The following ZEB2 variants were observed in gnomAD, a reference collection of about 807,000 sequenced individuals.
The protein encoded by ZEB2 is zinc finger E-box binding homeobox 2.
ZEB2 carries 6 observed loss-of-function variants against 99.9 expected under a neutral mutation model. The observed-to-expected ratio is 0.06, with a 90% CI of 0.03 to 0.12. The LOEUF is 0.12. Among genes scored for constraint, ZEB2 ranks in the 10% least tolerant of loss-of-function variants. The probability of loss-of-function intolerance (pLI) is 1.00; values close to 1 mark genes in which losing one functional copy is unlikely to be tolerated. For missense variants in ZEB2, 969 were observed against 1,502.8 expected (o/e 0.64, Z 5.87); for synonymous variants, 517 against 542.5 (o/e 0.95, Z 0.65).
rs200879835 is a variant in ZEB2 at position 144,404,145 on chromosome 2, CAG to C, written c.593-17_593-16del. ...AGGTGGCAGGTCTGTAGCCGAGAGA[CAG>C]AGAGAGAGAGAAGCGGGCCAAAAGG... On this transcript the variant is annotated splice_polypyrimidine_tract_variant and intron_variant, in intron 5 of 9. Transcript: ENST00000627532. The C allele has an allele frequency of 7.4e-4, 1,151 of 1,547,154 alleles. No homozygotes were observed. The highest frequency in any genetic ancestry group is 1.3e-3 in the East Asian group (56 of 42,100).
chr2:144,513,828 G>A, intron 2 of ZEB2: 2 of 1,533,464 alleles, frequency 1.3e-6, no homozygotes, highest in East Asian at 4.9e-5. Context: ...ATAATCAGGG[G>A]AAAGAAAAAG....
intron 2 of ZEB2, among the ~76,000 whole-genome samples, chr2:144,435,690 T>C (rs1370154333): frequency 1.3e-5 from 2 of 152,156 alleles, no homozygotes; most frequent in African/African-American, 4.8e-5. Context: ...AGATCATTTA[T>C]GTTTGAGCCA....
At chr2:144,511,165 T>C (rs1705031901) in intron 2 of ZEB2, among the ~76,000 whole-genome samples, 1 of 152,234 alleles carries the variant, frequency 6.6e-6, no homozygotes, top group Non-Finnish European at 1.5e-5. Context: ...CTAATAACTG[T>C]TGTTTCCTAA....
chr2:144,476,825 G>A (rs938910466), intron 2 of ZEB2, among the ~76,000 whole-genome samples: 1 of 152,136 alleles, frequency 6.6e-6, no homozygotes, highest in African/African-American at 2.4e-5. Flanking sequence ...GGCAGGCATG[G>A]GGGTTCCATG....
chr2:144,412,767 T>C (rs1703483151), intron 4 of ZEB2, among the ~76,000 whole-genome samples: 1 of 152,246 alleles, frequency 6.6e-6, no homozygotes, highest in South Asian at 2.1e-4. Context: ...TGAGTTCACA[T>C]AGACTTCCTT....
chr2:144,398,471 G>A lies in ZEB2; in HGVS notation c.2716C>T (p.Pro906Ser), dbSNP rs375527889. The change falls in exon 8 of 10, where the codon CCT (proline) becomes TCT (serine). Residue 906 changes from proline to serine, a missense_variant. By Grantham distance (74) the Pro-to-Ser change is moderately conservative. Transcript: ENST00000627532. Reference protein sequence around the residue: ...TALPPQSAFPPATFMPPVQTS... With the variant: ...TALPPQSAFPSATFMPPVQTS... ...TGGACTGGTGGCATGAAAGTAGCAG[G>A]GGGAAATGCGCTTTGAGGTGGAAGA... 6.2e-6 allele frequency: 10 copies of A among 1,614,050 alleles called. No homozygotes were observed. The African/African-American group carries it at 9.3e-5, about 15-fold the overall frequency.
At chr2:144,473,918 C>T (rs1704394715) in intron 2 of ZEB2, among the ~76,000 whole-genome samples, 1 of 152,116 alleles carries the variant, frequency 6.6e-6, no homozygotes, top group Non-Finnish European at 1.5e-5. Context: ...ATCAGTCTTT[C>T]GCTTTCTGGG....
At chr2:144,415,678 C>T (rs191331386) in intron 4 of ZEB2, among the ~76,000 whole-genome samples, 3 of 152,322 alleles carry the variant, frequency 2.0e-5, no homozygotes, top group Non-Finnish European at 4.4e-5. Flanking sequence ...TTCGTCAACT[C>T]ACTCATCATT....
chr2:144,503,603 G>T (rs115849912), intron 2 of ZEB2: 5 of 152,046 alleles, frequency 3.3e-5, no homozygotes, highest in Non-Finnish European at 5.9e-5. Flanking sequence ...TAGAAGAGAC[G>T]GGGAAGGATG....
At chr2:144,513,121 G>C in intron 2 of ZEB2, 1 of 1,285,814 alleles carries the variant, frequency 7.8e-7, no homozygotes, top group South Asian at 1.2e-5. Flanking sequence ...CCTGGAGAAG[G>C]GGTTGACTGC....
At chr2:144,421,240 C>T (rs1703615210) in intron 4 of ZEB2, among the ~76,000 whole-genome samples, 2 of 152,182 alleles carry the variant, frequency 1.3e-5, no homozygotes, top group South Asian at 4.1e-4. Flanking sequence ...GCAGCCCAAA[C>T]CCCACAGGCT....
chr2:144,477,030 ACTGT>A (rs1573783817), intron 2 of ZEB2, among the ~76,000 whole-genome samples: 1 of 152,136 alleles, frequency 6.6e-6, no homozygotes, highest in South Asian at 2.1e-4. Context: ...TTAATAATAA[ACTGT>A]CTGGTAGATG....
At chr2:144,410,955 G>A (rs1573727211) in intron 4 of ZEB2, among the ~76,000 whole-genome samples, 1 of 150,104 alleles carries the variant, frequency 6.7e-6, no homozygotes, top group Middle Eastern at 3.4e-3. Context: ...AGTGTTCTTG[G>A]AAATGAGGAC....
chr2:144,476,236 G>C (rs1704428759), intron 2 of ZEB2, among the ~76,000 whole-genome samples: 4 of 151,968 alleles, frequency 2.6e-5, no homozygotes, highest in South Asian at 4.2e-4. Context: ...AGCACCAAAG[G>C]CTTCAGGGAA....
At chr2:144,457,061 G>A (rs942577109) in intron 2 of ZEB2, among the ~76,000 whole-genome samples, 1 of 152,112 alleles carries the variant, frequency 6.6e-6, no homozygotes, top group African/African-American at 2.4e-5. Flanking sequence ...AGAAGACAAT[G>A]CATTTTTAGT....
At chr2:144,518,938 G>T (rs1472803236) in intron 1 of ZEB2, 2 of 152,190 alleles carry the variant, frequency 1.3e-5, no homozygotes, top group African/African-American at 4.8e-5. Flanking sequence ...CTTTATCTTT[G>T]CCTGTTACTC....
chr2:144,408,976 G>A (rs1703422659), intron 4 of ZEB2, among the ~76,000 whole-genome samples: 1 of 152,114 alleles, frequency 6.6e-6, no homozygotes, highest in Admixed American at 6.5e-5. Context: ...GCTATAAAAT[G>A]TGGAATGAAG....
chr2:144,400,163 C>A lies in ZEB2; in HGVS notation c.1024G>T (p.Gly342Cys), dbSNP rs1221169240. The A allele has an allele frequency of 1.2e-6, 2 of 1,614,014 alleles. No individual in the cohort carries two copies. Among genetic ancestry groups the A allele is most frequent in the East Asian group, 4.5e-5 (2 of 44,880 alleles). The part of the protein sequence containing the change: ...KKCIGLISVN[G>C]RMRNNIKTGS... ...GTCTTGATATTGTTTCTCATTCGGC[C>A]ATTTACAGAGATTAAACCAATACAT... is the stretch of plus-strand genomic sequence containing the variant. Residue 342 changes from glycine to cysteine, a missense_variant, in exon 8 of 10, where the codon GGC (glycine) becomes TGC (cysteine). Gly to Cys is a radical substitution (Grantham distance 159, BLOSUM62 -3). Around this residue, in one of 8 missense-constraint regions of ZEB2, gnomAD observed 9 missense variants for 77.3 expected, o/e 0.12. Coordinates refer to ENST00000627532, the MANE Select transcript of ZEB2 (RefSeq NM_014795.4).
intron 2 of ZEB2, chr2:144,463,488 A>G (rs527439456): frequency 2.0e-5 from 3 of 152,280 alleles, no homozygotes; most frequent in African/African-American, 4.8e-5. Flanking sequence ...TGGTGAAATA[A>G]AATAATATAC....
Sources: allele counts gnomAD v4.1 joint callset (sites outside exome capture counted in the v4.1 genomes callset), GRCh38; gene constraint gnomAD v4.1.1; regional missense constraint gnomAD v4.1.1; transcripts MANE v1.5; gene names NCBI Gene and HGNC (gene_info 2026-07-23, HGNC 2026-07-21).